The following RIGI variants were observed in gnomAD, a reference collection of about 807,000 sequenced individuals.
RIGI encodes RNA sensor RIG-I.
At chr9:32,476,875 A>G in the RIGI span, 1 of 975,504 alleles carries the variant, frequency 1.0e-6, no homozygotes, top group Non-Finnish European at 1.5e-6. Context: ...TCCTGCCTTG[A>G]TTTCCCAAAC....
chr9:32,510,512 A>C, the RIGI span, among the ~76,000 whole-genome samples: 1 of 152,252 alleles, frequency 6.6e-6, no homozygotes, highest in Admixed American at 6.5e-5. Flanking sequence ...AAGAAGAAAT[A>C]AAATCCTTTA....
At chr9:32,481,502 TAAAAA>T in the RIGI span, 2 of 1,347,596 alleles carry the variant, frequency 1.5e-6, no homozygotes, top group Non-Finnish European at 1.0e-6. Context: ...AGTTTTCTGT[TAAAAA>T]AAAAAAAAAA....
the RIGI span, chr9:32,525,978 T>G: frequency 1.9e-6 from 2 of 1,078,848 alleles, no homozygotes; most frequent in Non-Finnish European, 2.8e-6. Context: ...GCTCTCTGCA[T>G]TGATTAAAAG....
the RIGI span, chr9:32,468,016 T>C: frequency 1.6e-6 from 2 of 1,275,050 alleles, no homozygotes; most frequent in East Asian, 4.7e-5. Flanking sequence ...TATGGAATGC[T>C]TATTATATGC....
chr9:32,524,621 TTTTG>T, the RIGI span, among the ~76,000 whole-genome samples: 3 of 141,848 alleles, frequency 2.1e-5, no homozygotes, highest in Non-Finnish European at 3.1e-5. Context: ...TTTTTTTTTT[TTTTG>T]GAGACAAGAG....
the RIGI span, chr9:32,467,916 T>G: frequency 6.3e-7 from 1 of 1,595,516 alleles, no homozygotes; most frequent in East Asian, 2.3e-5. Flanking sequence ...TACACTTCTG[T>G]GCCGGGAGGG....
the RIGI span, among the ~76,000 whole-genome samples, chr9:32,486,488 A>G: frequency 1.3e-5 from 2 of 151,666 alleles, no homozygotes; most frequent in African/African-American, 4.8e-5. Context: ...TAGTACACGC[A>G]AAGTGTCACA....
the RIGI span, among the ~76,000 whole-genome samples, chr9:32,479,053 T>A: frequency 6.6e-6 from 1 of 152,162 alleles, no homozygotes; most frequent in Admixed American, 6.5e-5. Context: ...ACCTTTGTTG[T>A]TTCATCTTTA....
At chr9:32,490,843 T>A in the RIGI span, among the ~76,000 whole-genome samples, 1 of 152,162 alleles carries the variant, frequency 6.6e-6, no homozygotes, top group East Asian at 1.9e-4. Context: ...AGGCTGGATC[T>A]CAGCCCCTAC....
the RIGI span, chr9:32,489,355 C>T: frequency 1.2e-6 from 2 of 1,610,240 alleles, no homozygotes; most frequent in Admixed American, 1.7e-5. Context: ...TGTAGGAGCA[C>T]ATATTATTGT....
the RIGI span, among the ~76,000 whole-genome samples, chr9:32,506,658 C>T: frequency 6.6e-6 from 1 of 152,120 alleles, no homozygotes; most frequent in African/African-American, 2.4e-5. Flanking sequence ...TATAATCTCA[C>T]TTGTTTTCCA....
chr9:32,514,811 A>G, the RIGI span, among the ~76,000 whole-genome samples: 4 of 152,232 alleles, frequency 2.6e-5, no homozygotes, highest in Non-Finnish European at 4.4e-5. Flanking sequence ...GCCTAGTTTC[A>G]ACATTCACGA....
the RIGI span, among the ~76,000 whole-genome samples, chr9:32,491,048 C>T: frequency 2.0e-5 from 3 of 151,514 alleles, no homozygotes; most frequent in East Asian, 3.9e-4. Context: ...AATATAGACA[C>T]GCCCATACTT....
At chr9:32,503,912 G>A in the RIGI span, among the ~76,000 whole-genome samples, 2 of 151,850 alleles carry the variant, frequency 1.3e-5, no homozygotes, top group Admixed American at 1.3e-4. Context: ...CGCGGTGGCT[G>A]GTGCCTATAA....
At chr9:32,471,847 T>C in the RIGI span, among the ~76,000 whole-genome samples, 13 of 152,320 alleles carry the variant, frequency 8.5e-5, no homozygotes, top group African/African-American at 2.9e-4. Context: ...TAGACTTCAT[T>C]TGGTGAGCCA....
chr9:32,475,906 C>T, the RIGI span, among the ~76,000 whole-genome samples: 4 of 152,074 alleles, frequency 2.6e-5, no homozygotes, highest in Non-Finnish European at 4.4e-5. Context: ...AAGAAAATAT[C>T]TGCAAATCAC....
chr9:32,518,463 GT>G, the RIGI span, among the ~76,000 whole-genome samples: 2 of 151,682 alleles, frequency 1.3e-5, no homozygotes, highest in Admixed American at 1.3e-4. Flanking sequence ...GATGGTGTGT[GT>G]AAGTCATGTA....
chr9:32,503,942 T>C, the RIGI span, among the ~76,000 whole-genome samples: 2 of 151,652 alleles, frequency 1.3e-5, no homozygotes, highest in Non-Finnish European at 2.9e-5. Flanking sequence ...CTCGGGAGGC[T>C]GAGGCAGGAG....
chr9:32,480,046 A>G, the RIGI span, among the ~76,000 whole-genome samples: 8 of 152,280 alleles, frequency 5.3e-5, no homozygotes, highest in East Asian at 1.5e-3. Context: ...CTCTTCCCAT[A>G]GGTACTAGAT....
Sources: gnomAD v4.1 joint callset for allele counts (sites outside exome capture counted in the v4.1 genomes callset) on GRCh38, gnomAD v4.1.1 for gene constraint, MANE v1.5 for transcripts, NCBI Gene and HGNC (gene_info 2026-07-23, HGNC 2026-07-21) for gene names.